The following CADPS2 variants were observed in gnomAD, a reference collection of about 807,000 sequenced individuals.
The protein encoded by CADPS2 is calcium-dependent secretion activator 2.
CADPS2 carries 93 observed loss-of-function variants against 172.5 expected under a neutral mutation model. The ratio of observed to expected loss-of-function variants is 0.54; its 90% CI spans 0.46 to 0.64. The LOEUF is 0.64. Among genes scored for constraint, CADPS2 ranks in the 30% least tolerant of loss-of-function variants. The pLI is 0.00. For synonymous variants in CADPS2, 546 were observed against 555.2 expected (o/e 0.98, Z 0.23); for missense variants, 1,420 against 1,565.9 (o/e 0.91, Z 1.57).
chr7:122,797,961 C>T (rs1191084903), intron 1 of CADPS2, among the ~76,000 whole-genome samples: 1 of 151,284 alleles, frequency 6.6e-6, no homozygotes, highest in Non-Finnish European at 1.5e-5. Flanking sequence ...TTGAGTTATA[C>T]ATGTTTATTT....
intron 2 of CADPS2, chr7:122,701,800 C>G (rs373878733): frequency 9.3e-5 from 124 of 1,331,426 alleles, no homozygotes; most frequent in Non-Finnish European, 2.3e-5. Context: ...TTGGAAAGAT[C>G]TGGTTACATC....
At position 122,526,621 on chromosome 7, in the gene CADPS2, C is replaced by T. The variant is rs574487369; in HGVS notation, c.1476-13306G>A. On this transcript the variant is annotated intron_variant, in intron 8 of 29. Transcript: ENST00000449022. The stretch of plus-strand genomic sequence containing the variant: ...CACCCCATTTGTCCCACACATTGTA[C>T]AATTTCATCCATTTCTAACACTTAT... 1.1e-4 allele frequency among the ~76,000 whole-genome samples: 16 copies of T among 152,306 alleles called. No individual in the cohort carries two copies. The South Asian group carries it at 3.3e-3, about 32-fold the overall frequency.
chr7:122,428,014 T>C (rs1284659096), intron 17 of CADPS2, among the ~76,000 whole-genome samples: 6 of 152,208 alleles, frequency 3.9e-5, no homozygotes, highest in African/African-American at 1.4e-4. Flanking sequence ...AATTCCTGGA[T>C]ACCTTACAGT....
chr7:122,708,011 C>T (rs977864325), intron 2 of CADPS2, among the ~76,000 whole-genome samples: 7 of 151,568 alleles, frequency 4.6e-5, no homozygotes, highest in Admixed American at 2.0e-4. Context: ...CTGTAAGGTA[C>T]ACATATATAG....
intron 1 of CADPS2, among the ~76,000 whole-genome samples, chr7:122,777,116 A>T (rs1318396486): frequency 6.6e-6 from 1 of 152,176 alleles, no homozygotes; most frequent in Non-Finnish European, 1.5e-5. Context: ...ATGCCATTGC[A>T]CTCCAGCCTA....
intron 1 of CADPS2, among the ~76,000 whole-genome samples, chr7:122,745,596 G>GTTTT (rs988655974): frequency 6.8e-6 from 1 of 147,000 alleles, no homozygotes; most frequent in African/African-American, 2.5e-5. Flanking sequence ...TAAGAACTTG[G>GTTTT]TTTTAGCCTA....
rs555923911 is a variant in CADPS2 at position 122,529,500 on chromosome 7, A to G, written c.1476-16185T>C. On this transcript the variant is annotated intron_variant, in intron 8 of 29. Transcript: ENST00000449022. ...ATCTGTTACATGAACTTGTAGAGGA[A>G]CAATACTAATTAATAGAAAAGAATA... Among the ~76,000 whole-genome samples, 13 of 152,222 alleles carry G rather than the reference A, an allele frequency of 8.5e-5. No homozygotes were observed. The East Asian group carries it at 2.5e-3, about 29-fold the overall frequency.
chr7:122,846,762 G>A (rs1386822973), intron 1 of CADPS2, among the ~76,000 whole-genome samples: 1 of 152,210 alleles, frequency 6.6e-6, no homozygotes, highest in African/African-American at 2.4e-5. Flanking sequence ...TAAGTGGTAA[G>A]GACAATAACA....
chr7:122,849,604 A>G (rs2141067086), intron 1 of CADPS2: 1 of 240,948 alleles, frequency 4.2e-6, no homozygotes, highest in African/African-American at 2.4e-5. Context: ...AGGAATGTTG[A>G]TTTAACAAAT....
chr7:122,792,848 T>C (rs1387960824), intron 1 of CADPS2, among the ~76,000 whole-genome samples: 3 of 152,194 alleles, frequency 2.0e-5, no homozygotes, highest in Non-Finnish European at 4.4e-5. Flanking sequence ...GCTCACCTAA[T>C]AGCACTATGC....
intron 27 of CADPS2, among the ~76,000 whole-genome samples, chr7:122,359,650 A>C (rs2039880019): frequency 6.6e-6 from 1 of 152,036 alleles, no homozygotes; most frequent in African/African-American, 2.4e-5. Context: ...ATCTCCCCTT[A>C]ATTCTCCCTT....
chr7:122,398,896 A>G (rs1221570794), intron 20 of CADPS2, among the ~76,000 whole-genome samples: 1 of 151,746 alleles, frequency 6.6e-6, no homozygotes, highest in Non-Finnish European at 1.5e-5. Context: ...ATAAAAATCT[A>G]CCTCCTAAGG....
intron 14 of CADPS2, among the ~76,000 whole-genome samples, chr7:122,460,061 C>T (rs1412780870): frequency 1.3e-5 from 2 of 151,990 alleles, no homozygotes; most frequent in Non-Finnish European, 2.9e-5. Flanking sequence ...TGAGGAGAGG[C>T]CCAGGATGTT....
At chr7:122,410,259 G>A (rs921949646) in intron 19 of CADPS2, among the ~76,000 whole-genome samples, 31 of 152,060 alleles carry the variant, frequency 2.0e-4, no homozygotes, top group Middle Eastern at 3.4e-3. Flanking sequence ...TAGGAGAATC[G>A]CTTGAACCCG....
At chr7:122,849,975 T>C (rs1813073586) in intron 1 of CADPS2, 2 of 599,412 alleles carry the variant, frequency 3.3e-6, no homozygotes, top group Non-Finnish European at 5.5e-6. Flanking sequence ...CCTCAAGCTA[T>C]GGGCCCACCT....
rs541104987 is a variant in CADPS2 at position 122,598,442 on chromosome 7, A to C, written c.1223+16739T>G. ...TACATACCATTTTTGTTGCTGCTAA[A>C]ATATTCTGGATATGTAAGATGGAAT... is the stretch of plus-strand genomic sequence containing the variant. On this transcript the variant is annotated intron_variant, in intron 6 of 29. Transcript: ENST00000449022. Among the ~76,000 whole-genome samples the C allele has an allele frequency of 3.3e-5, 5 of 152,218 alleles. No individual in the cohort carries two copies. The East Asian group carries it at 9.7e-4, about 30-fold the overall frequency.
intron 25 of CADPS2, among the ~76,000 whole-genome samples, chr7:122,366,155 T>G (rs990446959): frequency 1.3e-5 from 2 of 151,438 alleles, no homozygotes; most frequent in African/African-American, 2.4e-5. Flanking sequence ...TCTGCACATG[T>G]ACTCCATGAA....
chr7:122,838,172 CA>C (rs1430183230), intron 1 of CADPS2, among the ~76,000 whole-genome samples: 4 of 152,108 alleles, frequency 2.6e-5, no homozygotes, highest in African/African-American at 9.7e-5. Flanking sequence ...GAACCAAAGA[CA>C]AAAACCACAT....
At chr7:122,801,712 T>C (rs1797687211) in intron 1 of CADPS2, among the ~76,000 whole-genome samples, 2 of 152,066 alleles carry the variant, frequency 1.3e-5, no homozygotes, top group Admixed American at 6.6e-5. Flanking sequence ...TTGTCTTTCC[T>C]GAACAAATTA....
Sources: gnomAD v4.1 joint callset for allele counts (sites outside exome capture counted in the v4.1 genomes callset) on GRCh38, gnomAD v4.1.1 for gene constraint, MANE v1.5 for transcripts, NCBI Gene and HGNC (gene_info 2026-07-23, HGNC 2026-07-21) for gene names.